Variants in MLPH observed in about 807,000 individuals in gnomAD.
MLPH encodes melanophilin.
A neutral mutation model predicts 72.1 loss-of-function variants in MLPH; 51 were observed. The observed-to-expected ratio is 0.71, with a 90% CI of 0.56 to 0.89. The LOEUF (loss-of-function observed/expected upper bound fraction) is 0.89, where lower values mean the gene tolerates loss of function less well. Ranked by LOEUF, MLPH falls within the 40% of genes least tolerant of loss-of-function variation. The probability of loss-of-function intolerance (pLI) is 0.00; values close to 1 mark genes in which losing one functional copy is unlikely to be tolerated. For missense variants in MLPH, 743 were observed against 759.9 expected (o/e 0.98, Z 0.26); for synonymous variants, 301 against 310.1 (o/e 0.97, Z 0.31).
At chr2:237,533,760 G>C (rs1338628189) in intron 8 of MLPH, among the ~76,000 whole-genome samples, 2 of 152,250 alleles carry the variant, frequency 1.3e-5, no homozygotes, top group Non-Finnish European at 1.5e-5. Context: ...AGTTACTAGT[G>C]GCCGCTCAAG....
chr2:237,523,910 C>T (rs372952385), intron 6 of MLPH, among the ~76,000 whole-genome samples: 1 of 145,516 alleles, frequency 6.9e-6, no homozygotes, highest in African/African-American at 2.6e-5. Context: ...TTGAAGGCCT[C>T]GGGTAAGTAA....
intron 6 of MLPH, among the ~76,000 whole-genome samples, chr2:237,521,948 G>A (rs1242142569): frequency 6.7e-5 from 6 of 89,228 alleles, no homozygotes; most frequent in Non-Finnish European, 1.2e-4. Flanking sequence ...GCTGAGACTG[G>A]GGTTGGGCCT....
At chr2:237,529,321 G>A (rs1167375701) in intron 8 of MLPH, among the ~76,000 whole-genome samples, 1 of 152,188 alleles carries the variant, frequency 6.6e-6, no homozygotes, top group East Asian at 1.9e-4. Context: ...GGGATTACAG[G>A]TGTGAGCCTC....
At chr2:237,503,214 A>G (rs528078793) in intron 2 of MLPH, among the ~76,000 whole-genome samples, 19 of 152,298 alleles carry the variant, frequency 1.2e-4, no homozygotes, top group African/African-American at 4.6e-4. Context: ...TCACGGACAC[A>G]GGCAACTCTA....
chr2:237,546,741 T>C, intron 13 of MLPH, 58 bp downstream of exon 13: 1 of 1,445,676 alleles, frequency 6.9e-7, no homozygotes, highest in Non-Finnish European at 9.7e-7. Context: ...ACTGCACCCC[T>C]TTCCAGCAGT....
chr2:237,489,521 A>T (rs1328542680), intron 1 of MLPH, among the ~76,000 whole-genome samples: 1 of 152,150 alleles, frequency 6.6e-6, no homozygotes, highest in Non-Finnish European at 1.5e-5. Context: ...AGAAATAACC[A>T]TACAGGCTGA....
chr2:237,508,912 G>C (rs943071977), intron 2 of MLPH, among the ~76,000 whole-genome samples: 5 of 152,206 alleles, frequency 3.3e-5, no homozygotes, highest in African/African-American at 9.6e-5. Context: ...GTTTCTGATG[G>C]TAAGTCACAT....
intron 1 of MLPH, among the ~76,000 whole-genome samples, chr2:237,488,015 T>A (rs2079353118): frequency 6.6e-6 from 1 of 152,124 alleles, no homozygotes; most frequent in Admixed American, 6.5e-5. Flanking sequence ...TGTGAGCACC[T>A]GTGGGCTTCG....
chr2:237,540,378 G>C lies in MLPH; in HGVS notation c.1135G>C (p.Asp379His), dbSNP rs553778992. The stretch of plus-strand genomic sequence containing the variant: ...AGGTGCTGGAGTGCGCACGGAGGCC[G>C]ATGTAGAGGAGGAGGCCCTGAGGAG... ...GLGAGVRTEADVEEEALRRKL... is the reference protein window; with the variant it reads ...GLGAGVRTEAHVEEEALRRKL... Residue 379 changes from aspartate (D) to histidine (H), a missense_variant, in exon 10 of 16, where the codon GAT becomes CAT. Transcript: ENST00000264605. The C allele has an allele frequency of 1.9e-6, 3 of 1,613,638 alleles. No homozygotes were observed. In the African/African-American group the frequency reaches 4.0e-5, roughly 22 times the overall value.
chr2:237,489,989 G>A (rs1194385472), intron 1 of MLPH, among the ~76,000 whole-genome samples: 2 of 152,200 alleles, frequency 1.3e-5, no homozygotes, highest in African/African-American at 4.8e-5. Context: ...AACTGCTGGG[G>A]AAGGCTGGCT....
Position 237,487,254 on chromosome 2 carries a change from T to C in MLPH, c.-208T>C, listed in dbSNP as rs1002566199. ...CGGGAGGCGCCGGGACGTGGCCAGT[T>C]GCCCGCCTGCCCCGGAGAGCCAGGC... On this transcript the variant is annotated 5_prime_UTR_variant, in exon 1 of 16. Transcript: ENST00000264605. 18 of 152,224 alleles carry C rather than the reference T, an allele frequency of 1.2e-4. No individual in the cohort carries two copies. The highest frequency in any genetic ancestry group is 4.3e-4 in the African/African-American group (18 of 41,454). 9.4% of individuals were successfully genotyped at this position (152,224 alleles called of 1,614,324 possible). A position where few individuals can be genotyped will look rare whatever the true frequency, so the allele number is the denominator to read the frequency against.
intron 2 of MLPH, 30 bp downstream of exon 2, chr2:237,493,566 C>A: frequency 1.3e-6 from 2 of 1,572,492 alleles, no homozygotes; most frequent in Non-Finnish European, 1.8e-6. Context: ...CCCACGGAGC[C>A]CGGGGTCCCT....
intron 15 of MLPH, chr2:237,552,963 A>G: frequency 2.6e-6 from 1 of 379,268 alleles, no homozygotes; most frequent in Non-Finnish European, 5.4e-6. Flanking sequence ...GCGCAGATTT[A>G]TTGAAAAGAA....
intron 4 of MLPH, chr2:237,511,428 A>G (rs1242836698): frequency 1.4e-5 from 5 of 357,530 alleles, no homozygotes; most frequent in Non-Finnish European, 2.7e-5. Context: ...GCTCCTTTTT[A>G]TGTGAGGTGC....
intron 8 of MLPH, among the ~76,000 whole-genome samples, chr2:237,531,595 T>C (rs1189964549): frequency 6.6e-6 from 1 of 152,250 alleles, no homozygotes; most frequent in Non-Finnish European, 1.5e-5. Context: ...CTTGGAATTA[T>C]TCTCTAGTTC....
In MLPH at chr2:237,540,989, T is replaced by A. The variant is rs370371033; in HGVS notation, c.1446+32T>A. On this transcript the variant is annotated intron_variant, in intron 11 of 15. Transcript: ENST00000264605. ...CAGAAGGCACAGGGGAGCACTGAGTTCCACAAACACAGATGGTGACCACAC... is the reference window on the plus strand; with the variant it reads ...CAGAAGGCACAGGGGAGCACTGAGTACCACAAACACAGATGGTGACCACAC... 4.8e-5 allele frequency: 76 copies of A among 1,581,962 alleles called. No individual in the cohort carries two copies. In the African/African-American group the frequency reaches 8.4e-4, roughly 18 times the overall value.
rs562186042 is a variant in MLPH at position 237,552,690 on chromosome 2, T to C, written c.1776+253T>C. On this transcript the variant is annotated intron_variant, in intron 15 of 15. Coordinates refer to ENST00000264605, the MANE Select transcript of MLPH (RefSeq NM_024101.7). ...AAATATCTGCTGTCCACACACCCCATTGGAGGAGGACCTGTGTCACTAACC... is the reference window on the plus strand; with the variant it reads ...AAATATCTGCTGTCCACACACCCCACTGGAGGAGGACCTGTGTCACTAACC... Among the ~76,000 whole-genome samples, 12 of 152,338 alleles carry C rather than the reference T, an allele frequency of 7.9e-5. No homozygotes were observed. The South Asian group carries it at 1.9e-3, about 24-fold the overall frequency.
At chr2:237,493,302 C>T (rs1242123443) in intron 1 of MLPH, 101 bp from the exon 2 acceptor site, 3 of 793,764 alleles carry the variant, frequency 3.8e-6, no homozygotes, top group Non-Finnish European at 6.8e-6. Flanking sequence ...AGACAGATGT[C>T]CTGAGAAGTC....
intron 6 of MLPH, 138 bp from the exon 7 acceptor site, chr2:237,525,463 C>T (rs1259545140): frequency 6.4e-6 from 5 of 775,226 alleles, no homozygotes; most frequent in African/African-American, 1.7e-5. Flanking sequence ...GTGGCAGGGG[C>T]CAGCGCAGAT....
Sources: allele counts gnomAD v4.1 joint callset (sites outside exome capture counted in the v4.1 genomes callset), GRCh38; gene constraint gnomAD v4.1.1; transcripts MANE v1.5; gene names NCBI Gene and HGNC (gene_info 2026-07-23, HGNC 2026-07-21).